The following CDCP2 variants were observed in gnomAD, a reference collection of about 807,000 sequenced individuals.
CDCP2 encodes CUB domain-containing protein 2.
In CDCP2, 31 loss-of-function variants were observed where a neutral mutation model predicts 31.0. The observed-to-expected ratio is 1.00, with a 90% CI of 0.75 to 1.35. The LOEUF is 1.35. Among genes scored for constraint, CDCP2 ranks in the 40% most tolerant of loss-of-function variants. The probability of loss-of-function intolerance (pLI) is 0.00; values close to 1 mark genes in which losing one functional copy is unlikely to be tolerated. For missense variants in CDCP2, 443 were observed against 482.6 expected (o/e 0.92, Z 0.77); for synonymous variants, 206 against 207.9 (o/e 0.99, Z 0.08).
At position 54,148,974 on chromosome 1, in the gene CDCP2, A is replaced by AAATAT. The variant is rs1553174439; in HGVS notation, c.79+3869_79+3870insATATT. ...GAACAAATGAATTGTTTAAAAAAAA[A>AAATAT]ATATATATATATATAATATATAATA... is the stretch of plus-strand genomic sequence containing the variant. On this transcript the variant is annotated intron_variant, in intron 1 of 5. Coordinates refer to ENST00000530059, the Ensembl canonical transcript of CDCP2. 4.1e-5 allele frequency among the ~76,000 whole-genome samples: 6 copies of AAATAT among 146,284 alleles called. No homozygotes were observed. The East Asian group carries it at 9.7e-4, about 24-fold the overall frequency.
chr1:54,134,604 C>T (rs1004636152), intron 5 of CDCP2, among the ~76,000 whole-genome samples: 2 of 152,206 alleles, frequency 1.3e-5, no homozygotes, highest in East Asian at 3.8e-4. Flanking sequence ...ATCAAAGCTG[C>T]CTAGCAGAGT....
At chr1:54,150,114 C>T (rs1314846386) in intron 1 of CDCP2, among the ~76,000 whole-genome samples, 2 of 152,136 alleles carry the variant, frequency 1.3e-5, no homozygotes, top group Admixed American at 1.3e-4. Context: ...CTTGGGGCTC[C>T]CACCACCACC....
intron 1 of CDCP2, among the ~76,000 whole-genome samples, chr1:54,146,096 G>C (rs973223187): frequency 6.6e-6 from 1 of 151,846 alleles, no homozygotes; most frequent in African/African-American, 2.4e-5. Flanking sequence ...ATATCATTTT[G>C]CAATTATTAT....
At chr1:54,146,155 T>C (rs1207697080) in intron 1 of CDCP2, among the ~76,000 whole-genome samples, 2 of 151,632 alleles carry the variant, frequency 1.3e-5, no homozygotes, top group Non-Finnish European at 1.5e-5. Flanking sequence ...GAAACCAATA[T>C]TTTCAGTGTA....
intron 1 of CDCP2, among the ~76,000 whole-genome samples, chr1:54,149,207 G>A (rs1355863823): frequency 2.0e-5 from 3 of 151,176 alleles, no homozygotes; most frequent in Non-Finnish European, 4.4e-5. Context: ...GTCCAGCCTG[G>A]GTGACAGAGA....
chr1:54,139,601 G>A (rs1659320008), intron 4 of CDCP2, 152 bp downstream of exon 4: 2 of 1,611,666 alleles, frequency 1.2e-6, no homozygotes, highest in Non-Finnish European at 8.5e-7. Context: ...CCGAGAGTGG[G>A]CAAGGGTGTA....
intron 4 of CDCP2, chr1:54,137,939 C>T (rs1659289323): frequency 6.6e-6 from 1 of 151,864 alleles, no homozygotes; most frequent in South Asian, 2.1e-4. Context: ...CTGTGGCTGC[C>T]CTCCCAGTGG....
intron 5 of CDCP2, 67 bp from the exon 6 acceptor site, chr1:54,133,361 T>C (rs1264156062): frequency 2.5e-6 from 1 of 398,190 alleles, no homozygotes; most frequent in Non-Finnish European, 4.4e-6. Flanking sequence ...CCTATATATG[T>C]GGGGTTCTCA....
At chr1:54,140,811 T>G in intron 3 of CDCP2, 1 of 313,634 alleles carries the variant, frequency 3.2e-6, no homozygotes, top group African/African-American at 2.1e-5. Flanking sequence ...CAGGGGAGAT[T>G]GACATGCAAA....
At chr1:54,141,569 G>A in intron 2 of CDCP2, 136 bp from the exon 3 acceptor site, 1 of 721,382 alleles carries the variant, frequency 1.4e-6, no homozygotes. Flanking sequence ...GCAAGCACCT[G>A]CTACCCAAGT....
At chr1:54,132,997 T>A in exon 6 of CDCP2, 1 of 398,994 alleles carries the variant, frequency 2.5e-6, no homozygotes, top group East Asian at 3.6e-5. Context: ...ACGATGGCAA[T>A]AACCATGAGG....
chr1:54,142,182 C>G (rs1371981728), intron 2 of CDCP2: 1 of 152,238 alleles, frequency 6.6e-6, no homozygotes, highest in Non-Finnish European at 1.5e-5. Flanking sequence ...ACCCTTGTGA[C>G]CTTCACTGTC....
At chr1:54,135,699 G>A (rs969373330) in intron 5 of CDCP2, among the ~76,000 whole-genome samples, 3 of 152,154 alleles carry the variant, frequency 2.0e-5, no homozygotes, top group Non-Finnish European at 4.4e-5. Context: ...AGAATACCTC[G>A]GCAGCCAGGA....
chr1:54,152,399 G>A (rs914299134), intron 1 of CDCP2, among the ~76,000 whole-genome samples: 1 of 151,974 alleles, frequency 6.6e-6, no homozygotes, highest in African/African-American at 2.4e-5. Context: ...GGGAGGTGGA[G>A]GTTGCAGTGA....
At chr1:54,137,734 A>G (rs1659285165) in intron 4 of CDCP2, 1 of 77,742 alleles carries the variant, frequency 1.3e-5, no homozygotes, top group Non-Finnish European at 2.5e-5. Flanking sequence ...AGGATAGGGG[A>G]AATGAAGGCA....
At chr1:54,133,897 A>AAAACAAACAAAC (rs1390294285) in intron 5 of CDCP2, among the ~76,000 whole-genome samples, 6 of 33,364 alleles carry the variant, frequency 1.8e-4, no homozygotes, top group Admixed American at 8.9e-4. Flanking sequence ...CTCCATCTCA[A>AAAACAAACAAAC]AAACAAACAA....
At chr1:54,148,980 T>C (rs894223834) in intron 1 of CDCP2, among the ~76,000 whole-genome samples, 3 of 147,108 alleles carry the variant, frequency 2.0e-5, no homozygotes, top group Non-Finnish European at 3.0e-5. Flanking sequence ...AAAAAATATA[T>C]ATATATATAA....
intron 1 of CDCP2, among the ~76,000 whole-genome samples, chr1:54,145,213 G>A (rs1199792437): frequency 2.6e-5 from 4 of 152,136 alleles, no homozygotes; most frequent in Non-Finnish European, 1.5e-5. Context: ...AGATCACAAG[G>A]TCAGGAGTTC....
At chr1:54,133,713 C>A (rs533400728) in intron 5 of CDCP2, among the ~76,000 whole-genome samples, 3 of 151,904 alleles carry the variant, frequency 2.0e-5, no homozygotes, top group Non-Finnish European at 2.9e-5. Flanking sequence ...TGACTAACAC[C>A]ATGAAACCCC....
Sources: gnomAD v4.1 joint callset for allele counts (sites outside exome capture counted in the v4.1 genomes callset) on GRCh38, gnomAD v4.1.1 for gene constraint, MANE v1.5 for transcripts, NCBI Gene and HGNC (gene_info 2026-07-23, HGNC 2026-07-21) for gene names.